Variants in GALNT13 observed in about 807,000 individuals in gnomAD.
GALNT13 encodes the protein polypeptide N-acetylgalactosaminyltransferase 13.
In GALNT13, 28 loss-of-function variants were observed where a neutral mutation model predicts 64.2. The ratio of observed to expected loss-of-function variants is 0.44; its 90% confidence interval spans 0.32 to 0.60. The LOEUF (loss-of-function observed/expected upper bound fraction) is 0.60. Among genes scored for constraint, GALNT13 ranks in the 20% least tolerant of loss-of-function variants. GALNT13 has a pLI of 0.05. For synonymous variants in GALNT13, 214 were observed against 224.6 expected, an observed-to-expected ratio of 0.95 and a Z score of 0.42; for missense variants, 577 against 669.8, an observed-to-expected ratio of 0.86 and a Z score of 1.53.
At chr2:153,073,457 T>C in the GALNT13 span, among the ~76,000 whole-genome samples, 3 of 152,004 alleles carry the variant, frequency 2.0e-5, no homozygotes, top group African/African-American at 4.8e-5. Flanking sequence ...TAGATTTTTT[T>C]TTCTTCTTTA....
intron 3 of GALNT13, among the ~76,000 whole-genome samples, chr2:154,017,173 T>C (rs1385407656): frequency 6.6e-6 from 1 of 152,212 alleles, no homozygotes; most frequent in Non-Finnish European, 1.5e-5. Flanking sequence ...TTTTTTCATC[T>C]ATAAAATGAG....
intron 9 of GALNT13, among the ~76,000 whole-genome samples, chr2:154,314,639 T>C (rs1694231932): frequency 6.6e-6 from 1 of 152,112 alleles, no homozygotes; most frequent in Non-Finnish European, 1.5e-5. Context: ...AGAGATCTTG[T>C]AGGGAAAGAA....
rs796779918 is a variant in GALNT13, at chr2:154,117,988, G to T, written c.143-22349G>T. On this transcript the variant is annotated intron_variant, in intron 3 of 12. Transcript: ENST00000392825. The stretch of plus-strand genomic sequence containing the variant: ...TCTTTAGAAGAATTTGTATTCTGTT[G>T]TTATCTGTTGGTTGGAAGATTCTAT... 1.8e-4 allele frequency among the ~76,000 whole-genome samples: 28 copies of T among 152,274 alleles called. 1 individual carries two copies. The highest frequency in any genetic ancestry group is 6.7e-4 in the African/African-American group (28 of 41,568).
chr2:154,046,933 C>A (rs1214258353), intron 3 of GALNT13, among the ~76,000 whole-genome samples: 1 of 68,756 alleles, frequency 1.5e-5, no homozygotes, highest in African/African-American at 5.3e-5. Context: ...GCCACTTAGT[C>A]TGTGGGTTTT....
At chr2:153,795,964 C>T in the GALNT13 span, among the ~76,000 whole-genome samples, 3 of 152,164 alleles carry the variant, frequency 2.0e-5, no homozygotes, top group South Asian at 2.1e-4. Flanking sequence ...TCTGTTCTTG[C>T]GTGTTTTCAC....
the GALNT13 span, among the ~76,000 whole-genome samples, chr2:153,131,797 A>G: frequency 6.6e-6 from 1 of 152,042 alleles, no homozygotes; most frequent in Non-Finnish European, 1.5e-5. Context: ...GTTTTCAAGC[A>G]TGTTTGGTAC....
At chr2:154,150,520 G>T (rs1253095767) in intron 4 of GALNT13, among the ~76,000 whole-genome samples, 9 of 152,248 alleles carry the variant, frequency 5.9e-5, no homozygotes, top group South Asian at 4.1e-4. Context: ...GTTCCTCCTT[G>T]TACCTCTGGT....
At chr2:153,437,584 C>G in the GALNT13 span, among the ~76,000 whole-genome samples, 1 of 152,116 alleles carries the variant, frequency 6.6e-6, no homozygotes, top group South Asian at 2.1e-4. Context: ...TATGTAATGG[C>G]CTTCTTTGTC....
At chr2:153,176,123 G>A in the GALNT13 span, among the ~76,000 whole-genome samples, 3 of 152,270 alleles carry the variant, frequency 2.0e-5, no homozygotes, top group African/African-American at 2.4e-5. Flanking sequence ...CAAGGAAGAG[G>A]AAATAGATCT....
chr2:153,970,312 ACAGTTCAT>A (rs1461554838), intron 3 of GALNT13, among the ~76,000 whole-genome samples: 1 of 152,170 alleles, frequency 6.6e-6, no homozygotes, highest in South Asian at 2.1e-4. Context: ...AACATCTGAA[ACAGTTCAT>A]CATCCCTGCC....
the GALNT13 span, among the ~76,000 whole-genome samples, chr2:153,180,334 A>G: frequency 6.6e-6 from 1 of 152,186 alleles, no homozygotes. Context: ...CCATTTATTA[A>G]TTTGCAAATA....
At chr2:153,211,255 G>A in the GALNT13 span, among the ~76,000 whole-genome samples, 1 of 151,628 alleles carries the variant, frequency 6.6e-6, no homozygotes, top group African/African-American at 2.4e-5. Context: ...CAATTCTCCT[G>A]CCTCAGCCTC....
At chr2:153,630,779 A>ATATATATATATATATATATATATATT in the GALNT13 span, among the ~76,000 whole-genome samples, 1 of 9,160 alleles carries the variant, frequency 1.1e-4, no homozygotes, top group African/African-American at 3.0e-4. Context: ...ATATATATAT[A>ATATATATATATATATATATATATATT]TATATATATA....
chr2:153,875,184 A>G (rs1474352024), intron 1 of GALNT13, among the ~76,000 whole-genome samples: 1 of 152,096 alleles, frequency 6.6e-6, no homozygotes, highest in Non-Finnish European at 1.5e-5. Flanking sequence ...TGGAAACATA[A>G]TGCCTCCTAA....
the GALNT13 span, among the ~76,000 whole-genome samples, chr2:153,621,775 G>T: frequency 6.6e-6 from 1 of 151,946 alleles, no homozygotes; most frequent in Admixed American, 6.6e-5. Context: ...CCAGTGTTAT[G>T]ACCCAAGCTC....
At chr2:153,456,176 T>C in the GALNT13 span, among the ~76,000 whole-genome samples, 1 of 152,154 alleles carries the variant, frequency 6.6e-6, no homozygotes, top group Admixed American at 6.5e-5. Context: ...AAAACAGGGA[T>C]ATAAGTTCTC....
the GALNT13 span, among the ~76,000 whole-genome samples, chr2:153,277,315 C>T: frequency 6.6e-6 from 1 of 152,168 alleles, no homozygotes; most frequent in Non-Finnish European, 1.5e-5. Context: ...ATTTGCTTTT[C>T]AGTTCCTGTG....
At chr2:154,284,525 A>ACT (rs1692148832) in intron 8 of GALNT13, among the ~76,000 whole-genome samples, 1 of 148,378 alleles carries the variant, frequency 6.7e-6, no homozygotes, top group South Asian at 2.1e-4. Context: ...ATAGCTACAC[A>ACT]CACACACACA....
chr2:154,409,158 C>T lies in GALNT13; in HGVS notation c.1395+76C>T, dbSNP rs557120650. 2.8e-3 allele frequency: 2,439 copies of T among 884,424 alleles called. 10 individuals carry two copies. Among genetic ancestry groups the T allele is most frequent in the South Asian group, 3.8e-3 (281 of 74,874 alleles). 54.8% of individuals were successfully genotyped at this position (884,424 alleles called of 1,614,324 possible). Reference sequence around the variant, plus strand: ...AAAACTATCAGTGGAGACCATGGCTCACATGTTAATAACTATAAACTGAGC... The same window carrying T: ...AAAACTATCAGTGGAGACCATGGCTTACATGTTAATAACTATAAACTGAGC... On this transcript the variant is annotated intron_variant, in intron 11 of 12. Transcript: ENST00000392825.
Sources: gnomAD v4.1 joint callset for allele counts (sites outside exome capture counted in the v4.1 genomes callset) on GRCh38, gnomAD v4.1.1 for gene constraint, MANE v1.5 for transcripts, NCBI Gene and HGNC (gene_info 2026-07-23, HGNC 2026-07-21) for gene names.